MIEF1: variants seen among roughly 807,000 people sequenced by gnomAD.
MIEF1 encodes mitochondrial dynamics protein MIEF1.
MIEF1 carries 14 observed loss-of-function variants against 35.1 expected under a neutral mutation model. The observed-to-expected ratio is 0.40, with a 90% CI of 0.26 to 0.62. MIEF1 has a LOEUF of 0.62. Among genes scored for constraint, MIEF1 ranks in the 20% least tolerant of loss-of-function variants. The pLI is 0.43. For synonymous variants in MIEF1, 245 were observed against 254.3 expected (o/e 0.96, Z 0.35); for missense variants, 542 against 615.4 (o/e 0.88, Z 1.26).
rs907792968 is a variant in MIEF1 at position 39,506,764 on chromosome 22, G to A, written c.-8+2230G>A. Among the ~76,000 whole-genome samples, 12 of 152,298 alleles carry A rather than the reference G, an allele frequency of 7.9e-5. No homozygotes were observed. In the South Asian group the frequency reaches 1.0e-3, roughly 13 times the overall value. On this transcript the variant is annotated intron_variant, in intron 2 of 5. Transcript: ENST00000325301. ...TTCTGTTCCCATTTTTGTATCTAGC[G>A]AGACAGGTTAAATAACTTGCCTGAA...
intron 1 of MIEF1, 21 bp from the exon 2 acceptor site, chr22:39,504,182 T>G (rs1929895596): frequency 5.0e-6 from 2 of 398,882 alleles, no homozygotes; most frequent in Admixed American, 8.8e-5. Context: ...TAGGCTTGTA[T>G]GTCTTTCCTT....
At position 39,507,501 on chromosome 22, in the gene MIEF1, T is replaced by A. The variant is rs545034461; in HGVS notation, c.-8+2967T>A. 2.6e-4 allele frequency among the ~76,000 whole-genome samples: 39 copies of A among 151,624 alleles called. 1 individual carries two copies. The highest frequency in any genetic ancestry group is 1.7e-3 in the Admixed American group (26 of 15,240). ...ACCTCGTGATCTGCCCACCTTGGCC[T>A]CCCAAAGTGTTGGGATTACAGGCGT... On this transcript the variant is annotated intron_variant, in intron 2 of 5. Transcript: ENST00000325301.
chr22:39,500,782 C>A (rs1929663559), upstream of MIEF1, among the ~76,000 whole-genome samples: 1 of 151,934 alleles, frequency 6.6e-6, no homozygotes, highest in Admixed American at 6.6e-5. Flanking sequence ...GCAACCTCTG[C>A]CTCCCAGGCT....
intron 2 of MIEF1, among the ~76,000 whole-genome samples, chr22:39,505,879 C>G (rs1483318643): frequency 6.6e-6 from 1 of 152,146 alleles, no homozygotes; most frequent in Non-Finnish European, 1.5e-5. Flanking sequence ...TGAAGAGTAA[C>G]TGGGTGTAAG....
rs1476803544 is a variant in MIEF1 at position 39,504,500 on chromosome 22, C to T, written c.-42C>T. 1 of 398,552 alleles carries T rather than the reference C, an allele frequency of 2.5e-6. No homozygotes were observed. Among genetic ancestry groups the T allele is most frequent in the Non-Finnish European group, 4.4e-6 (1 of 226,100 alleles). The allele number at this position is 398,552 out of a possible 1,614,324, so 24.7% of individuals were successfully genotyped here. A position where few individuals can be genotyped will look rare whatever the true frequency, so the allele number is the denominator to read the frequency against. On this transcript the variant is annotated 5_prime_UTR_variant, in exon 2 of 6. Transcript: ENST00000325301. ...TTCTGTAGACACTCCTGCTCTCTTC[C>T]ATCCCCATCTTACAGATGTATTAAG...
At position 39,513,614 on chromosome 22, in the gene MIEF1, C is replaced by T. The variant is rs1248203288; in HGVS notation, c.683C>T (p.Pro228Leu). The T allele has an allele frequency of 1.9e-6, 3 of 1,614,112 alleles. No homozygotes were observed. The highest frequency in any genetic ancestry group is 2.5e-6 in the Non-Finnish European group (3 of 1,180,046). Residue 228 changes from proline (P) to leucine (L), a missense_variant, in exon 6 of 6, where the codon CCT (proline) becomes CTT (leucine). Transcript: ENST00000325301. ...IPGEDTIMNV[P>L]GFFLVRRENP... Reference sequence around the variant, plus strand: ...GGTGAAGACACCATCATGAATGTCCCTGGCTTCTTCCTGGTGCGTCGTGAG... The same window carrying T: ...GGTGAAGACACCATCATGAATGTCCTTGGCTTCTTCCTGGTGCGTCGTGAG...
In MIEF1 at chr22:39,512,304, G is replaced by A. The variant is rs368491896; in HGVS notation, c.395G>A (p.Arg132His). Residue 132 changes from arginine (R) to histidine (H), a missense_variant, in exon 5 of 6, where the codon CGC (arginine) becomes CAC (histidine). Coordinates refer to ENST00000325301, the MANE Select transcript of MIEF1 (RefSeq NM_019008.6). ...GTAGACTTGAAGAAGTCACGACTCC[G>A]CATGTCCCTGCAGGAGAAACTTCTT... ...GQVDLKKSRL[R>H]MSLQEKLLTY... The A allele has an allele frequency of 4.8e-5, 78 of 1,614,002 alleles. No individual in the cohort carries two copies. The highest frequency in any genetic ancestry group is 5.6e-5 in the Non-Finnish European group (66 of 1,179,986).
rs1295433319 is a variant in MIEF1, at chr22:39,516,706, AAAAT to A, written c.*2387_*2390del. On this transcript the variant is annotated 3_prime_UTR_variant, in exon 6 of 6. Transcript: ENST00000325301. ...TGACAGAGTGAGACCCTATTTCAAA[AAAAT>A]AAAAATTGGAAGAAGAGCTTAAAAA... is the stretch of plus-strand genomic sequence containing the variant. 1 of 152,232 alleles carries A rather than the reference AAAAT, an allele frequency of 6.6e-6. No individual in the cohort carries two copies. The highest frequency in any genetic ancestry group is 1.5e-5 in the Non-Finnish European group (1 of 68,052). The allele number at this position is 152,232 out of a possible 1,614,324, so 9.4% of individuals were successfully genotyped here. A position where few individuals can be genotyped will look rare whatever the true frequency, so the allele number is the denominator to read the frequency against.
In MIEF1 at chr22:39,512,052, G is replaced by A. The variant is rs1039107133; in HGVS notation, c.322+26G>A. The A allele has an allele frequency of 3.1e-6, 5 of 1,599,748 alleles. No individual in the cohort carries two copies. In the African/African-American group the frequency reaches 6.7e-5, roughly 21 times the overall value. On this transcript the variant is annotated intron_variant, in intron 4 of 5. Transcript: ENST00000325301. ...GTGAGAAGGGCTGCTGCCCCTCCTG[G>A]GACCTCTCTGGACTTTCAGTACCAC...
intron 2 of MIEF1, among the ~76,000 whole-genome samples, chr22:39,508,222 C>T (rs573903434): frequency 1.6e-4 from 24 of 152,314 alleles, no homozygotes; most frequent in African/African-American, 5.8e-4. Flanking sequence ...CATTTGAGGT[C>T]ACCCAGCTAA....
At chr22:39,504,752 G>C (rs1003563371) in intron 2 of MIEF1, 1 of 214,974 alleles carries the variant, frequency 4.7e-6, no homozygotes, top group Admixed American at 5.8e-5. Context: ...CTGCACTCCA[G>C]GCTGGGTGAC....
At chr22:39,503,874 T>C (rs1220208535) in intron 1 of MIEF1, 4 of 174,396 alleles carry the variant, frequency 2.3e-5, no homozygotes, top group Non-Finnish European at 2.4e-5. Context: ...AATAATCCTA[T>C]GTGGTAGGTA....
intron 5 of MIEF1, among the ~76,000 whole-genome samples, chr22:39,513,181 A>T (rs1044505360): frequency 6.7e-6 from 1 of 150,220 alleles, no homozygotes; most frequent in East Asian, 2.0e-4. Context: ...GCTCACTGCA[A>T]CCTCCGCCTC....
At position 39,517,494 on chromosome 22, in the gene MIEF1, T is replaced by A; in HGVS notation, c.*3171T>A. 1 of 470,790 alleles carries A rather than the reference T, an allele frequency of 2.1e-6. No homozygotes were observed. Among genetic ancestry groups the A allele is most frequent in the Non-Finnish European group, 4.4e-6 (1 of 226,940 alleles). The allele number at this position is 470,790 out of a possible 1,614,324, so 29.2% of individuals were successfully genotyped here. A position where few individuals can be genotyped will look rare whatever the true frequency, so the allele number is the denominator to read the frequency against. On this transcript the variant is annotated 3_prime_UTR_variant, in exon 6 of 6. Coordinates refer to ENST00000325301, the MANE Select transcript of MIEF1 (RefSeq NM_019008.6). The stretch of plus-strand genomic sequence containing the variant: ...CCTGCACTCCACTCAAGTTGAGAGT[T>A]CAAATAGTCTTGAAGGGGAATCAGC...
At position 39,504,396 on chromosome 22, in the gene MIEF1, G is replaced by C. The variant is rs1929911014; in HGVS notation, c.-146G>C. On this transcript the variant is annotated 5_prime_UTR_variant, in exon 2 of 6. Coordinates refer to ENST00000325301, the MANE Select transcript of MIEF1 (RefSeq NM_019008.6). ...CGCTGAGGCCCGGGAGAGGCAGCTG[G>C]AGAAGGGCCTGGTCTTTCTCAACGG... 2.5e-6 allele frequency: 1 copy of C among 398,974 alleles called. No individual in the cohort carries two copies. Among genetic ancestry groups the C allele is most frequent in the Non-Finnish European group, 4.4e-6 (1 of 226,108 alleles). 24.7% of individuals were successfully genotyped at this position (398,974 alleles called of 1,614,324 possible).
rs1930592196 is a variant in MIEF1, at chr22:39,515,157, T to C, written c.*834T>C. On this transcript the variant is annotated 3_prime_UTR_variant, in exon 6 of 6. Coordinates refer to ENST00000325301, the MANE Select transcript of MIEF1 (RefSeq NM_019008.6). ...GCTGCAGGGGTCAGACAGACAAGGA[T>C]GGGGACTGCCAGGGCACCACTTCAT... The C allele has an allele frequency of 1.5e-6, 1 of 656,780 alleles. No individual in the cohort carries two copies. The highest frequency in any genetic ancestry group is 1.8e-5 in the African/African-American group (1 of 55,898). 40.7% of individuals were successfully genotyped at this position (656,780 alleles called of 1,614,324 possible).
chr22:39,507,467 G>C (rs538530008), intron 2 of MIEF1, among the ~76,000 whole-genome samples: 34 of 151,734 alleles, frequency 2.2e-4, no homozygotes, highest in Non-Finnish European at 3.4e-4. Context: ...GGATGGTCTC[G>C]ATCTCCTGAC....
chr22:39,508,808 G>A (rs1930183370), intron 2 of MIEF1, among the ~76,000 whole-genome samples: 1 of 152,090 alleles, frequency 6.6e-6, no homozygotes, highest in African/African-American at 2.4e-5. Flanking sequence ...TCTAGTTAGG[G>A]AAAAAAATAT....
At chr22:39,511,144 C>A in intron 2 of MIEF1, 144 bp from the exon 3 acceptor site, 2 of 995,614 alleles carry the variant, frequency 2.0e-6, no homozygotes, top group Non-Finnish European at 2.9e-6. Context: ...CCCTCCAGAC[C>A]CTAAAGCATG....
Sources: allele counts gnomAD v4.1 joint callset (sites outside exome capture counted in the v4.1 genomes callset), GRCh38; gene constraint gnomAD v4.1.1; transcripts MANE v1.5; gene names NCBI Gene and HGNC (gene_info 2026-07-23, HGNC 2026-07-21).